PDPK1: variants seen among roughly 807,000 people sequenced by gnomAD.
PDPK1 encodes 3-phosphoinositide dependent protein kinase 1, also known as 3-phosphoinositide-dependent protein kinase 1.
A neutral mutation model predicts 39.8 loss-of-function variants in PDPK1; 7 were observed. The ratio of observed to expected loss-of-function variants is 0.18; its 90% CI spans 0.10 to 0.33. The LOEUF is 0.33. Ranked by LOEUF, PDPK1 falls within the 10% of genes least tolerant of loss-of-function variation. The probability of loss-of-function intolerance (pLI) is 1.00; values close to 1 mark genes in which losing one functional copy is unlikely to be tolerated. For synonymous variants in PDPK1, 118 were observed against 159.1 expected (o/e 0.74, Z 1.95); for missense variants, 182 against 384.7 (o/e 0.47, Z 4.41).
chr16:2,577,654 C>G (rs1266903900), intron 7 of PDPK1, among the ~76,000 whole-genome samples, 154 bp downstream of exon 7: 19 of 148,960 alleles, frequency 1.3e-4, no homozygotes, highest in Admixed American at 1.3e-3. Flanking sequence ...CGTACACACA[C>G]GTGATGCGTT....
At chr16:2,580,303 G>A (rs1243513022) in intron 7 of PDPK1, among the ~76,000 whole-genome samples, 1 of 145,308 alleles carries the variant, frequency 6.9e-6, no homozygotes, top group Non-Finnish European at 1.5e-5. Flanking sequence ...ACTGGCGTGT[G>A]TCTGATGCGC....
intron 10 of PDPK1, among the ~76,000 whole-genome samples, chr16:2,585,018 G>C (rs2066837045): frequency 6.6e-6 from 1 of 152,158 alleles, no homozygotes. Flanking sequence ...ACTGGCTGGT[G>C]GCCGTTCTCC....
intron 2 of PDPK1, among the ~76,000 whole-genome samples, 160 bp downstream of exon 2, chr16:2,558,123 GT>G (rs1368817454): frequency 5.3e-5 from 8 of 150,764 alleles, no homozygotes; most frequent in Admixed American, 6.6e-5. Flanking sequence ...GGCCACTTGA[GT>G]CTTTGGGGGC....
chr16:2,544,336 A>G (rs2066295482), intron 1 of PDPK1, among the ~76,000 whole-genome samples: 1 of 152,200 alleles, frequency 6.6e-6, no homozygotes, highest in African/African-American at 2.4e-5. Flanking sequence ...TTCCTGGGCC[A>G]GTGGGATGAG....
chr16:2,546,583 G>A (rs2066352184), intron 1 of PDPK1, among the ~76,000 whole-genome samples: 1 of 152,130 alleles, frequency 6.6e-6, no homozygotes, highest in African/African-American at 2.4e-5. Context: ...ATCTGCCTTG[G>A]CCTCCCAAAG....
In PDPK1 at chr16:2,593,226, G is replaced by A. The variant is rs1483828229; in HGVS notation, c.1344-2567G>A. 1 of 376,468 alleles carries A rather than the reference G, an allele frequency of 2.7e-6. No individual in the cohort carries two copies. The highest frequency in any genetic ancestry group is 7.4e-5 in the East Asian group (1 of 13,534). 23.3% of individuals were successfully genotyped at this position (376,468 alleles called of 1,614,324 possible). On this transcript the variant is annotated intron_variant, in intron 11 of 13. Transcript: ENST00000342085. This position sits in a 1 kb window ranked among gnomAD's most constrained non-coding sequence, Gnocchi z 4.2. ...CATTTAGGGCCATTGAGAGTTTCTT[G>A]TGTCACTGAATTCCTCTTCTGGGAA...
chr16:2,589,142 G>T (rs997469526), intron 11 of PDPK1, among the ~76,000 whole-genome samples: 6 of 152,090 alleles, frequency 3.9e-5, no homozygotes, highest in Admixed American at 1.3e-4. Flanking sequence ...TTTTAGTAGA[G>T]AAGGGGTTTC....
chr16:2,585,418 C>T (rs910257585), intron 10 of PDPK1, among the ~76,000 whole-genome samples: 4 of 152,216 alleles, frequency 2.6e-5, no homozygotes, highest in Non-Finnish European at 4.4e-5. Flanking sequence ...GACTTCAGGG[C>T]TGTACCTCCT....
At chr16:2,592,522 A>G (rs550273410) in intron 11 of PDPK1, 14 of 325,910 alleles carry the variant, frequency 4.3e-5, no homozygotes, top group South Asian at 3.1e-4. Flanking sequence ...AAAATTACCA[A>G]AAATTAGCTG....
At chr16:2,595,906 C>CA (rs776995460) in intron 12 of PDPK1, 56 bp downstream of exon 12, 50 of 1,332,284 alleles carry the variant, frequency 3.8e-5, no homozygotes, top group Non-Finnish European at 5.1e-5. Flanking sequence ...TCCCCGACTC[C>CA]AGCTTAGGGG....
intron 10 of PDPK1, 28 bp from the exon 11 acceptor site, chr16:2,586,637 AGTGAAGGTGCG>A: frequency 6.3e-7 from 1 of 1,575,098 alleles, no homozygotes; most frequent in Non-Finnish European, 8.7e-7. Context: ...CTTAGAGGCA[AGTGAAGGTGCG>A]GTTCTCACTT....
chr16:2,592,463 A>C (rs1002096518), intron 11 of PDPK1: 1 of 300,654 alleles, frequency 3.3e-6, no homozygotes, highest in African/African-American at 2.3e-5. Context: ...GACAGTAGAA[A>C]ATCAAGGTGA....
intron 6 of PDPK1, chr16:2,576,703 G>A (rs1418158103): frequency 4.6e-5 from 7 of 151,542 alleles, no homozygotes; most frequent in Non-Finnish European, 9.9e-5. Flanking sequence ...TCCTGGCCTC[G>A]AGCAGTCCTC....
rs375159135 is a variant in PDPK1, at chr16:2,602,676, A to G, written c.*4909A>G. On this transcript the variant is annotated 3_prime_UTR_variant, in exon 14 of 14. Coordinates refer to ENST00000342085, the MANE Select transcript of PDPK1 (RefSeq NM_002613.5). The stretch of plus-strand genomic sequence containing the variant: ...TGTAGCTGTTCCTTCACAACATAAA[A>G]TAGGATAAATGACTAGTACGTCTTT... 19 of 234,830 alleles carry G rather than the reference A, an allele frequency of 8.1e-5. No individual in the cohort carries two copies. Among genetic ancestry groups the G allele is most frequent in the African/African-American group, 3.3e-4 (15 of 45,472 alleles). 14.5% of individuals were successfully genotyped at this position (234,830 alleles called of 1,614,324 possible).
rs1341782279 is a variant in PDPK1, at chr16:2,597,931, C to A, written c.*164C>A. 3 of 591,764 alleles carry A rather than the reference C, an allele frequency of 5.1e-6. No individual in the cohort carries two copies. The highest frequency in any genetic ancestry group is 9.0e-6 in the Non-Finnish European group (3 of 333,364). The allele number at this position is 591,764 out of a possible 1,614,324, so 36.7% of individuals were successfully genotyped here. ...TTAAAAGAAAAGAAGAAAAAAAACA[C>A]CCAACCACACAAAGAACAAAACCAG... On this transcript the variant is annotated 3_prime_UTR_variant, in exon 14 of 14. Coordinates refer to ENST00000342085, the MANE Select transcript of PDPK1 (RefSeq NM_002613.5). This position sits in a 1 kb window ranked among gnomAD's most constrained non-coding sequence, Gnocchi z 6.3.
intron 1 of PDPK1, among the ~76,000 whole-genome samples, chr16:2,552,471 G>T (rs1030025892): frequency 6.6e-5 from 10 of 151,608 alleles, no homozygotes; most frequent in Non-Finnish European, 1.2e-4. Flanking sequence ...GTGTGGTTGG[G>T]GGCTCGGGCT....
chr16:2,591,214 C>T (rs1421691516), intron 11 of PDPK1, among the ~76,000 whole-genome samples: 2 of 152,114 alleles, frequency 1.3e-5, no homozygotes, highest in African/African-American at 2.4e-5. Context: ...TCACCTGCCT[C>T]GGCCTCCCAA....
intron 1 of PDPK1, chr16:2,538,756 A>G (rs1324003962): frequency 2.3e-6 from 3 of 1,285,742 alleles, no homozygotes; most frequent in Admixed American, 4.6e-5. Flanking sequence ...CACCGAGGGG[A>G]AAGTGAGCTT....
rs968415686 is a variant in PDPK1 at position 2,593,232 on chromosome 16, C to G, written c.1344-2561C>G. 1 of 370,430 alleles carries G rather than the reference C, an allele frequency of 2.7e-6. No individual in the cohort carries two copies. The highest frequency in any genetic ancestry group is 5.3e-6 in the Non-Finnish European group (1 of 189,506). The allele number at this position is 370,430 out of a possible 1,614,324, so 22.9% of individuals were successfully genotyped here. A position where few individuals can be genotyped will look rare whatever the true frequency, so the allele number is the denominator to read the frequency against. On this transcript the variant is annotated intron_variant, in intron 11 of 13. Coordinates refer to ENST00000342085, the MANE Select transcript of PDPK1 (RefSeq NM_002613.5). The surrounding 1 kb of genome is among the most constrained non-coding windows in gnomAD (Gnocchi z 4.2). ...GGGCCATTGAGAGTTTCTTGTGTCA[C>G]TGAATTCCTCTTCTGGGAATTTTTA...
Sources: allele counts gnomAD v4.1 joint callset (sites outside exome capture counted in the v4.1 genomes callset), GRCh38; gene constraint gnomAD v4.1.1; non-coding constraint Gnocchi (gnomAD v3.1); transcripts MANE v1.5; gene names NCBI Gene and HGNC (gene_info 2026-07-23, HGNC 2026-07-21).